Variants in ZNF81 observed in about 807,000 individuals in gnomAD.
ZNF81 encodes zinc finger protein 81.
ZNF81 carries 5 observed loss-of-function variants against 32.3 expected under a neutral mutation model. The ratio of observed to expected loss-of-function variants is 0.15; its 90% CI spans 0.08 to 0.33. ZNF81 has a LOEUF of 0.33. ZNF81 is among the 10% of genes least tolerant of loss of function. ZNF81 has a pLI of 1.00. For missense variants in ZNF81, 379 were observed against 479.8 expected (o/e 0.79, Z 1.96); for synonymous variants, 163 against 166.8 (o/e 0.98, Z 0.17).
At chrX:47,881,940 C>A (rs1421998099) in intron 2 of ZNF81, among the ~76,000 whole-genome samples, 3 of 111,307 alleles carry the variant, frequency 2.7e-5, no homozygotes, top group Non-Finnish European at 5.7e-5. Flanking sequence ...CCATGCCTGG[C>A]TAATTTTTAA....
chrX:47,838,974 C>A (rs181904595), intron 1 of ZNF81, among the ~76,000 whole-genome samples: 2 of 110,771 alleles, frequency 1.8e-5, no homozygotes, highest in African/African-American at 3.3e-5. Context: ...TTTTGTAAAC[C>A]GGGTCTCACT....
At chrX:47,849,395 C>A (rs985921555) in intron 2 of ZNF81, among the ~76,000 whole-genome samples, 9 of 111,534 alleles carry the variant, frequency 8.1e-5, no homozygotes, top group African/African-American at 2.9e-4. Context: ...CAGCTGGGCG[C>A]GGTGGCTCAC....
At chrX:47,845,575 G>A (rs782473685) in intron 1 of ZNF81, among the ~76,000 whole-genome samples, 2 of 111,356 alleles carry the variant, frequency 1.8e-5, no homozygotes, top group East Asian at 2.8e-4. Context: ...TAACTTTGAG[G>A]GCGTGAACTT....
chrX:47,845,304 A>C (rs1291449878), intron 1 of ZNF81, among the ~76,000 whole-genome samples: 1 of 111,559 alleles, frequency 9.0e-6, no homozygotes, highest in Admixed American at 9.6e-5. Flanking sequence ...GATCAGAATA[A>C]AATTGTACCT....
chrX:47,877,195 T>TGC (rs1274864160), intron 2 of ZNF81, among the ~76,000 whole-genome samples: 78 of 108,444 alleles, frequency 7.2e-4, no homozygotes, highest in African/African-American at 2.5e-3. Flanking sequence ...TGAATTTGGG[T>TGC]GCACCCCCCC....
chrX:47,876,789 T>C (rs1326267229), intron 2 of ZNF81, among the ~76,000 whole-genome samples: 1 of 112,546 alleles, frequency 8.9e-6, no homozygotes, highest in East Asian at 2.8e-4. Flanking sequence ...CTCCTGCTAC[T>C]CTTTTTCACT....
chrX:47,914,970 A>G lies in ZNF81; in HGVS notation c.324A>G (p.Lys108=). The G allele has an allele frequency of 2.5e-6, 3 of 1,208,023 alleles. No homozygotes were observed. Among genetic ancestry groups the G allele is most frequent in the Non-Finnish European group, 3.4e-6 (3 of 893,682 alleles). Residue 108 remains lysine, a synonymous_variant, in exon 5 of 5, where the codon AAA becomes AAG. Coordinates refer to ENST00000338637, the MANE Select transcript of ZNF81 (RefSeq NM_007137.5). ...IKPSQRRISG[K]STFHSEMEGE... ...CTTCCCAGAGGAGAATTTCTGGGAA[A>G]TCTACATTTCATAGTGAAATGGAGG...
chrX:47,880,866 C>T (rs1603193468), intron 2 of ZNF81, among the ~76,000 whole-genome samples: 1 of 111,744 alleles, frequency 8.9e-6, no homozygotes, highest in Non-Finnish European at 1.9e-5. Context: ...GTTATGGAGG[C>T]TGAGAAGTCC....
rs536337378 is a variant in ZNF81 at position 47,925,070 on chromosome X, C to T, written c.*8438C>T. Among the ~76,000 whole-genome samples, 148 of 111,567 alleles carry T rather than the reference C, an allele frequency of 1.3e-3. 1 individual carries two copies. The highest frequency in any genetic ancestry group is 2.2e-3 in the South Asian group (6 of 2,690). On this transcript the variant is annotated 3_prime_UTR_variant, in exon 5 of 5. Coordinates refer to ENST00000338637, the MANE Select transcript of ZNF81 (RefSeq NM_007137.5). ...ACATTCTCCCACATACCTGGAATATCATTATCAATCTAATTCTATGATATA... is the reference window on the plus strand; with the variant it reads ...ACATTCTCCCACATACCTGGAATATTATTATCAATCTAATTCTATGATATA...
Position 47,895,980 on chromosome X carries a change from A to AT in ZNF81, c.277+50dup, listed in dbSNP as rs200780354. 3,841 of 976,144 alleles carry AT rather than the reference A, an allele frequency of 3.9e-3. 8 individuals carry two copies. Among genetic ancestry groups the AT allele is most frequent in the East Asian group, 0.03 (890 of 30,029 alleles). The allele number at this position is 976,144 out of a possible 1,213,427, so 80.4% of individuals were successfully genotyped here. On this transcript the variant is annotated intron_variant, in intron 4 of 4. Coordinates refer to ENST00000338637, the MANE Select transcript of ZNF81 (RefSeq NM_007137.5). ...CCCAGGCAGATGGGGACACGAAGTA[A>AT]TTTTTTTTTTCCCTAAGGAAGACCG...
intron 2 of ZNF81, among the ~76,000 whole-genome samples, chrX:47,879,120 A>G (rs1237257712): frequency 1.8e-5 from 2 of 111,880 alleles, no homozygotes; most frequent in African/African-American, 6.5e-5. Context: ...TAATTTCAGT[A>G]TTTTAGGTCT....
intron 2 of ZNF81, among the ~76,000 whole-genome samples, chrX:47,874,554 T>G (rs1395551506): frequency 5.3e-5 from 6 of 112,268 alleles, no homozygotes; most frequent in Non-Finnish European, 1.1e-4. Context: ...ACTGGCTGAG[T>G]TGAAGGCATA....
intron 4 of ZNF81, among the ~76,000 whole-genome samples, chrX:47,912,582 G>A (rs1473470404): frequency 9.3e-6 from 1 of 107,910 alleles, no homozygotes; most frequent in African/African-American, 3.4e-5. Context: ...AAATAGTAAG[G>A]AATTGTATTT....
intron 2 of ZNF81, among the ~76,000 whole-genome samples, chrX:47,864,336 G>A (rs1179165811): frequency 2.7e-5 from 3 of 111,820 alleles, no homozygotes; most frequent in Admixed American, 9.5e-5. Flanking sequence ...TTCAGGCTGC[G>A]AATAGTCCAG....
At chrX:47,851,080 G>A (rs5953115) in intron 2 of ZNF81, among the ~76,000 whole-genome samples, 174 of 111,744 alleles carry the variant, frequency 1.6e-3, no homozygotes, top group African/African-American at 5.3e-3. Flanking sequence ...ACAAGGCTAC[G>A]TCTTATTCTA....
intron 2 of ZNF81, among the ~76,000 whole-genome samples, chrX:47,877,823 A>G (rs1264241935): frequency 8.9e-6 from 1 of 112,204 alleles, no homozygotes; most frequent in African/African-American, 3.2e-5. Flanking sequence ...TGACCTAAAA[A>G]AATCTTGAAT....
Position 47,920,481 on chromosome X carries a change from T to G in ZNF81, c.*3849T>G, listed in dbSNP as rs1258686140. 2 of 110,666 alleles carry G rather than the reference T, an allele frequency of 1.8e-5. No homozygotes were observed. Among genetic ancestry groups the G allele is most frequent in the Non-Finnish European group, 3.8e-5 (2 of 52,862 alleles). 9.1% of individuals were successfully genotyped at this position (110,666 alleles called of 1,213,427 possible). ...CACTGGTAGAAGGCCTTTAATGATC[T>G]GGGCCCAGGATGATTTCCTGCCCTT... On this transcript the variant is annotated 3_prime_UTR_variant, in exon 5 of 5. Coordinates refer to ENST00000338637, the MANE Select transcript of ZNF81 (RefSeq NM_007137.5).
chrX:47,908,048 T>C (rs981287247), intron 4 of ZNF81, among the ~76,000 whole-genome samples: 1 of 111,364 alleles, frequency 9.0e-6, no homozygotes, highest in South Asian at 3.7e-4. Flanking sequence ...TGATAGTAAA[T>C]TGAACTATAT....
At chrX:47,888,671 G>A (rs782000911) in intron 3 of ZNF81, among the ~76,000 whole-genome samples, 111 of 111,330 alleles carry the variant, frequency 1.0e-3, no homozygotes, top group African/African-American at 3.5e-3. Context: ...TTTTACACTT[G>A]GAAATGGGGT....
Sources: allele counts gnomAD v4.1 joint callset (sites outside exome capture counted in the v4.1 genomes callset), GRCh38; gene constraint gnomAD v4.1.1; transcripts MANE v1.5; gene names NCBI Gene and HGNC (gene_info 2026-07-23, HGNC 2026-07-21).